The following DOCK1 variants were observed in gnomAD, a reference collection of about 807,000 sequenced individuals.
DOCK1 encodes dedicator of cytokinesis protein 1.
In DOCK1, 138 loss-of-function variants were observed where a neutral mutation model predicts 262.7. That is an observed-to-expected ratio of 0.53 (90% confidence interval 0.46 to 0.61). The LOEUF is 0.61. Among genes scored for constraint, DOCK1 ranks in the 20% least tolerant of loss-of-function variants. The pLI is 0.00. For synonymous variants in DOCK1, 866 were observed against 867.4 expected, an observed-to-expected ratio of 1.00 and a Z score of 0.03; for missense variants, 1,908 against 2,370.7, an observed-to-expected ratio of 0.80 and a Z score of 4.05.
In DOCK1 at chr10:127,176,127, A is replaced by T. The variant is rs778319223; in HGVS notation, c.2847+48363A>T. ...GTTGGGGATGGACCTGCGTGCGGGC[A>T]CTGTCATGTATTTGCGGTAGGCTGC... On this transcript the variant is annotated intron_variant, in intron 27 of 51. Transcript: ENST00000623213. This position sits in a 1 kb window ranked among gnomAD's most constrained non-coding sequence, Gnocchi z 4.4. The T allele has an allele frequency of 6.2e-7, 1 of 1,613,948 alleles. No individual in the cohort carries two copies. The highest frequency in any genetic ancestry group is 1.1e-5 in the South Asian group (1 of 91,070).
intron 11 of DOCK1, among the ~76,000 whole-genome samples, chr10:127,011,978 G>A (rs1402382767): frequency 6.6e-6 from 1 of 152,106 alleles, no homozygotes; most frequent in Non-Finnish European, 1.5e-5. Flanking sequence ...ATGCAGTGGA[G>A]GCCTGGTGCA....
chr10:127,321,398 G>A (rs568322660), intron 29 of DOCK1, among the ~76,000 whole-genome samples: 1 of 139,004 alleles, frequency 7.2e-6, no homozygotes, highest in African/African-American at 2.7e-5. Context: ...AGAAATACTG[G>A]CATTCTCCAA....
chr10:127,150,258 T>C (rs1267835604), intron 27 of DOCK1, among the ~76,000 whole-genome samples: 2 of 152,198 alleles, frequency 1.3e-5, no homozygotes, highest in Non-Finnish European at 2.9e-5. Flanking sequence ...CTTCTATTCT[T>C]AAGCTTCTGA....
intron 27 of DOCK1, among the ~76,000 whole-genome samples, chr10:127,149,005 CATCA>C (rs1375433882): frequency 6.6e-6 from 1 of 152,114 alleles, no homozygotes; most frequent in African/African-American, 2.4e-5. Flanking sequence ...GGAGGAAGCC[CATCA>C]ATCCTCTGCC....
chr10:127,023,227 C>T lies in DOCK1; in HGVS notation c.1355C>T (p.Thr452Ile), dbSNP rs778112893. 5 of 1,613,824 alleles carry T rather than the reference C, an allele frequency of 3.1e-6. No individual in the cohort carries two copies. Among genetic ancestry groups the T allele is most frequent in the Non-Finnish European group, 4.2e-6 (5 of 1,179,858 alleles). ...PGDVRNDIYVTLVQGDFDKGS... is the reference protein window; with the variant it reads ...PGDVRNDIYVILVQGDFDKGS... ...GATGTTCGAAATGATATCTATGTAA[C>T]ATTAGTTCAAGGAGATTTTGATAAA... Residue 452 changes from threonine (T) to isoleucine (I), a missense_variant, in exon 14 of 52, where the codon ACA becomes ATA. Physicochemically the swap from Thr to Ile is moderately conservative, Grantham distance 89. Around this residue, in one of 9 missense-constraint regions of DOCK1, gnomAD observed 294 missense variants for 439.9 expected, o/e 0.67. Transcript: ENST00000623213.
Sources: gnomAD v4.1 joint callset for allele counts (sites outside exome capture counted in the v4.1 genomes callset) on GRCh38, gnomAD v4.1.1 for gene constraint, gnomAD v4.1.1 regional missense constraint, Gnocchi (gnomAD v3.1) non-coding constraint, MANE v1.5 for transcripts, NCBI Gene and HGNC (gene_info 2026-07-23, HGNC 2026-07-21) for gene names.